Variants in C1QTNF3 observed in about 807,000 individuals in gnomAD.
The protein encoded by C1QTNF3 is C1q and TNF related 3.
In C1QTNF3, 26 loss-of-function variants were observed where a neutral mutation model predicts 32.6. The observed-to-expected ratio is 0.80, with a 90% CI of 0.58 to 1.11. The LOEUF (loss-of-function observed/expected upper bound fraction) is 1.11, where lower values mean the gene tolerates loss of function less well. C1QTNF3 is among the 50% of genes least tolerant of loss of function. C1QTNF3 has a pLI of 0.00. For missense variants in C1QTNF3, 362 were observed against 398.2 expected, an observed-to-expected ratio of 0.91 and a Z score of 0.77; for synonymous variants, 155 against 146.0, an observed-to-expected ratio of 1.06 and a Z score of -0.44.
At chr5:34,243,324 G>C in the C1QTNF3 span, among the ~76,000 whole-genome samples, 7 of 152,256 alleles carry the variant, frequency 4.6e-5, no homozygotes, top group South Asian at 4.1e-4. Flanking sequence ...TGTTGGCCAG[G>C]CTGCAGAGTA....
the C1QTNF3 span, among the ~76,000 whole-genome samples, chr5:34,088,106 A>C: frequency 6.6e-6 from 1 of 152,300 alleles, no homozygotes; most frequent in African/African-American, 2.4e-5. Flanking sequence ...TATGGTGCTC[A>C]ATAAGCAAGA....
At chr5:34,176,513 C>A in the C1QTNF3 span, among the ~76,000 whole-genome samples, 2 of 151,858 alleles carry the variant, frequency 1.3e-5, no homozygotes, top group Non-Finnish European at 2.9e-5. Context: ...TAAATATAAT[C>A]TGATACTCAA....
chr5:34,136,837 A>G, the C1QTNF3 span, among the ~76,000 whole-genome samples: 1 of 152,258 alleles, frequency 6.6e-6, no homozygotes, highest in African/African-American at 2.4e-5. Flanking sequence ...GGATGAGTTC[A>G]TGTCCTTTGC....
chr5:34,147,357 C>A, the C1QTNF3 span, among the ~76,000 whole-genome samples: 2 of 152,084 alleles, frequency 1.3e-5, no homozygotes, highest in African/African-American at 4.8e-5. Flanking sequence ...GACACATGTA[C>A]CTAAATGTTC....
chr5:34,103,499 C>T, the C1QTNF3 span, among the ~76,000 whole-genome samples: 8 of 149,516 alleles, frequency 5.4e-5, no homozygotes, highest in East Asian at 1.9e-4. Flanking sequence ...TGCCTTTCAA[C>T]GATGTCTTAT....
the C1QTNF3 span, chr5:34,175,959 TG>T: frequency 1.2e-6 from 1 of 820,754 alleles, no homozygotes. Context: ...AGGTGGATCC[TG>T]GGAATCAAGG....
the C1QTNF3 span, among the ~76,000 whole-genome samples, chr5:34,066,453 C>T: frequency 1.3e-5 from 2 of 152,124 alleles, no homozygotes; most frequent in South Asian, 2.1e-4. Flanking sequence ...TTATAAAAGA[C>T]TTACAAGACA....
rs1482921687 is a variant in C1QTNF3, at chr5:34,018,963, T to C, written c.*1620A>G. Among the ~76,000 whole-genome samples, 1 of 152,042 alleles carries C rather than the reference T, an allele frequency of 6.6e-6. No homozygotes were observed. Among genetic ancestry groups the C allele is most frequent in the African/African-American group, 2.4e-5 (1 of 41,390 alleles). On this transcript the variant is annotated 3_prime_UTR_variant, in exon 6 of 6. Transcript: ENST00000382065. ...TCAACATGGTGAAACCCCATCTCTA[T>C]TAGAAACATTAAAAATTAGCTGGTC...
chr5:34,201,773 G>A, the C1QTNF3 span, among the ~76,000 whole-genome samples: 3 of 152,136 alleles, frequency 2.0e-5, no homozygotes, highest in African/African-American at 2.4e-5. Flanking sequence ...AATAAAAACC[G>A]CAATAGGTAT....
Position 34,037,963 on chromosome 5 carries a change from G to A in C1QTNF3, c.304-2205C>T, listed in dbSNP as rs558670802. On this transcript the variant is annotated intron_variant, in intron 1 of 5. Transcript: ENST00000382065. ...AATGATGAATTTTAAGGATGGAGAA[G>A]GGAGGGGAAGGAGGGAAAATCCTCA... 6.6e-5 allele frequency among the ~76,000 whole-genome samples: 10 copies of A among 152,302 alleles called. No homozygotes were observed. The East Asian group carries it at 1.9e-3, about 29-fold the overall frequency.
chr5:34,024,500 C>A (rs1754414954), intron 4 of C1QTNF3: 1 of 156,976 alleles, frequency 6.4e-6, no homozygotes, highest in Admixed American at 6.1e-5. Flanking sequence ...GAGCACAGAA[C>A]AAATGTTTAT....
the C1QTNF3 span, among the ~76,000 whole-genome samples, chr5:34,146,068 C>T: frequency 2.0e-5 from 3 of 152,274 alleles, no homozygotes; most frequent in East Asian, 5.8e-4. Flanking sequence ...TAGGCCAAAG[C>T]TGGAAACATT....
the C1QTNF3 span, among the ~76,000 whole-genome samples, chr5:34,153,712 C>T: frequency 1.1e-4 from 10 of 92,738 alleles, no homozygotes; most frequent in African/African-American, 2.5e-4. Flanking sequence ...GTGGTGGGGT[C>T]GGGGGAGGGG....
At chr5:34,080,448 C>A in the C1QTNF3 span, among the ~76,000 whole-genome samples, 3 of 151,700 alleles carry the variant, frequency 2.0e-5, no homozygotes, top group Non-Finnish European at 4.4e-5. Flanking sequence ...AAATATATAT[C>A]ATTTATATTC....
At chr5:34,177,926 C>T in the C1QTNF3 span, among the ~76,000 whole-genome samples, 1 of 151,996 alleles carries the variant, frequency 6.6e-6, no homozygotes, top group African/African-American at 2.4e-5. Context: ...CCCAGCACTG[C>T]AGAGGTTCTA....
the C1QTNF3 span, among the ~76,000 whole-genome samples, chr5:34,063,366 T>C: frequency 6.6e-6 from 1 of 152,042 alleles, no homozygotes; most frequent in African/African-American, 2.4e-5. Context: ...TCTCTGTCTC[T>C]CTCCTCTCTG....
the C1QTNF3 span, among the ~76,000 whole-genome samples, chr5:34,207,913 G>A: frequency 1.5e-4 from 22 of 151,670 alleles, 1 homozygote; most frequent in East Asian, 1.9e-3. Context: ...TCAGCCTCCC[G>A]AGTAGATGGG....
the C1QTNF3 span, chr5:34,158,722 T>A: frequency 6.6e-6 from 1 of 152,102 alleles, no homozygotes; most frequent in Non-Finnish European, 1.5e-5. Flanking sequence ...TCCTAAATAT[T>A]TTTCATAAGA....
At chr5:34,103,515 G>T in the C1QTNF3 span, among the ~76,000 whole-genome samples, 1 of 148,036 alleles carries the variant, frequency 6.8e-6, no homozygotes, top group Non-Finnish European at 1.5e-5. Context: ...CTTATCTTTG[G>T]TATAAAGTTA....
Sources: allele counts gnomAD v4.1 joint callset (sites outside exome capture counted in the v4.1 genomes callset), GRCh38; gene constraint gnomAD v4.1.1; transcripts MANE v1.5; gene names NCBI Gene and HGNC (gene_info 2026-07-23, HGNC 2026-07-21).